GRIK1: variants seen among roughly 807,000 people sequenced by gnomAD.
GRIK1 encodes glutamate ionotropic receptor kainate type subunit 1.
GRIK1 carries 69 observed loss-of-function variants against 105.7 expected under a neutral mutation model. The ratio of observed to expected loss-of-function variants is 0.65; its 90% CI spans 0.54 to 0.80. The LOEUF is 0.80. Among genes scored for constraint, GRIK1 ranks in the 30% least tolerant of loss-of-function variants. The pLI, the probability that GRIK1 is intolerant of heterozygous loss-of-function variation, is 0.00. For synonymous variants in GRIK1, 438 were observed against 431.3 expected (o/e 1.02, Z -0.19); for missense variants, 1,109 against 1,167.3 (o/e 0.95, Z 0.73).
intron 7 of GRIK1, among the ~76,000 whole-genome samples, chr21:29,639,965 C>T (rs1034550272): frequency 6.6e-6 from 1 of 152,128 alleles, no homozygotes; most frequent in African/African-American, 2.4e-5. Flanking sequence ...AAACATGTGT[C>T]TGAAAAGCTT....
chr21:29,542,056 ACCTTT>A (rs2089981392), intron 16 of GRIK1, among the ~76,000 whole-genome samples: 1 of 148,912 alleles, frequency 6.7e-6, no homozygotes, highest in African/African-American at 2.5e-5. Context: ...TGTGTGTGTG[ACCTTT>A]CCTTTAGAGG....
intron 1 of GRIK1, among the ~76,000 whole-genome samples, chr21:29,900,083 CAAA>C (rs10547423): frequency 9.8e-5 from 12 of 122,342 alleles, no homozygotes; most frequent in Non-Finnish European, 1.4e-4. Flanking sequence ...GACTCTGTCT[CAAA>C]AAAAAAAAAA....
intron 1 of GRIK1, among the ~76,000 whole-genome samples, chr21:29,866,699 G>A (rs1037532631): frequency 2.0e-5 from 3 of 152,088 alleles, no homozygotes; most frequent in African/African-American, 7.2e-5. Flanking sequence ...CAAAGATTAC[G>A]GCATGTCATT....
intron 16 of GRIK1, among the ~76,000 whole-genome samples, chr21:29,551,375 G>C (rs2090132128): frequency 6.6e-6 from 1 of 152,166 alleles, no homozygotes; most frequent in Non-Finnish European, 1.5e-5. Context: ...AGACTGAGAA[G>C]TTTGGTAACT....
intron 1 of GRIK1, among the ~76,000 whole-genome samples, chr21:29,923,774 C>T (rs915524990): frequency 6.6e-6 from 1 of 152,114 alleles, no homozygotes; most frequent in South Asian, 2.1e-4. Context: ...TTCCCTTCAG[C>T]CTTATGTAAT....
rs547405316 is a variant in GRIK1, at chr21:29,876,856, A to G, written c.118+62527T>C. 2.8e-3 allele frequency among the ~76,000 whole-genome samples: 428 copies of G among 152,302 alleles called. 3 individuals carry two copies. The highest frequency in any genetic ancestry group is 9.4e-3 in the African/African-American group (389 of 41,562). On this transcript the variant is annotated intron_variant, in intron 1 of 17. Transcript: ENST00000327783. ...GGGAAATAATTAGGGTTCATCAGCT[A>G]TGCTTCCTAGAAGAATCACTGAACC... is the stretch of plus-strand genomic sequence containing the variant.
At chr21:29,770,311 G>C (rs1313702627) in intron 1 of GRIK1, among the ~76,000 whole-genome samples, 2 of 152,186 alleles carry the variant, frequency 1.3e-5, no homozygotes, top group South Asian at 2.1e-4. Context: ...GCCCCAATCT[G>C]CTTCTCCAGT....
intron 4 of GRIK1, among the ~76,000 whole-genome samples, chr21:29,664,913 T>A (rs1270029176): frequency 6.6e-6 from 1 of 152,208 alleles, no homozygotes; most frequent in East Asian, 1.9e-4. Context: ...CAATTTTGAA[T>A]AAAGCTGAAG....
intron 7 of GRIK1, among the ~76,000 whole-genome samples, chr21:29,620,956 A>G (rs1303866089): frequency 6.9e-6 from 1 of 145,496 alleles, no homozygotes; most frequent in Non-Finnish European, 1.5e-5. Flanking sequence ...TTATTTATAT[A>G]ATTCTACATA....
rs75847810 is a variant in GRIK1 at position 29,865,021 on chromosome 21, C to T, written c.118+74362G>A. Among the ~76,000 whole-genome samples, 443 of 152,298 alleles carry T rather than the reference C, an allele frequency of 2.9e-3. 4 individuals are homozygous for T. Among genetic ancestry groups the T allele is most frequent in the African/African-American group, 0.01 (434 of 41,562 alleles). On this transcript the variant is annotated intron_variant, in intron 1 of 17. Transcript: ENST00000327783. ...AAGCATTATCCAGCTCTGAATATCA[C>T]TGATGCCACTCTTGATAAACCCTAA...
chr21:29,650,225 A>T (rs1004928837), intron 6 of GRIK1, among the ~76,000 whole-genome samples: 5 of 152,180 alleles, frequency 3.3e-5, no homozygotes, highest in African/African-American at 1.2e-4. Context: ...TCCTCATAAG[A>T]AAAAGGGGAA....
At chr21:29,803,296 G>A (rs2066764486) in intron 1 of GRIK1, among the ~76,000 whole-genome samples, 1 of 152,126 alleles carries the variant, frequency 6.6e-6, no homozygotes, top group South Asian at 2.1e-4. Flanking sequence ...CATAGTTATG[G>A]TTGCTGCAGG....
intron 16 of GRIK1, among the ~76,000 whole-genome samples, chr21:29,546,065 T>C (rs2090045834): frequency 2.0e-5 from 3 of 152,206 alleles, no homozygotes; most frequent in African/African-American, 7.2e-5. Flanking sequence ...CTCTGTCCTT[T>C]TGTCTTCCAT....
chr21:29,789,877 G>C (rs960344690), intron 1 of GRIK1, among the ~76,000 whole-genome samples: 2 of 152,048 alleles, frequency 1.3e-5, no homozygotes, highest in African/African-American at 2.4e-5. Context: ...ACTTTAAAAG[G>C]GTATTTGTAA....
rs372057883 is a variant in GRIK1, at chr21:29,664,144, T to C, written c.726+8839A>G. On this transcript the variant is annotated intron_variant, in intron 4 of 17. Transcript: ENST00000327783. ...TTGGTTGGGGGAAGAACAAAGAGGATGCAAAGTGTTAATTCTAGCATGGAA... is the reference window on the plus strand; with the variant it reads ...TTGGTTGGGGGAAGAACAAAGAGGACGCAAAGTGTTAATTCTAGCATGGAA... 2.3e-4 allele frequency among the ~76,000 whole-genome samples: 35 copies of C among 152,258 alleles called. No individual in the cohort carries two copies. In the South Asian group the frequency reaches 7.1e-3, roughly 31 times the overall value.
intron 11 of GRIK1, among the ~76,000 whole-genome samples, chr21:29,588,479 C>T (rs1036543832): frequency 6.6e-6 from 1 of 152,232 alleles, no homozygotes; most frequent in East Asian, 1.9e-4. Context: ...CCTGCTTTCA[C>T]GCATTCTCTC....
intron 14 of GRIK1, among the ~76,000 whole-genome samples, chr21:29,571,664 A>T (rs2090753490): frequency 6.6e-6 from 1 of 152,192 alleles, no homozygotes. Context: ...GAGGCATTCG[A>T]GTATTTTGTT....
chr21:29,846,109 G>T (rs992416426), intron 1 of GRIK1, among the ~76,000 whole-genome samples: 3 of 152,088 alleles, frequency 2.0e-5, no homozygotes, highest in Non-Finnish European at 4.4e-5. Context: ...AATGCTTCTT[G>T]ACCGGGTGCA....
chr21:29,907,373 C>T (rs116217475), intron 1 of GRIK1, among the ~76,000 whole-genome samples: 2,873 of 152,084 alleles, frequency 0.019, 105 homozygotes, highest in African/African-American at 0.066. Flanking sequence ...AATCAATGTT[C>T]TAGATCATAC....
Sources: gnomAD v4.1 joint callset for allele counts (sites outside exome capture counted in the v4.1 genomes callset) on GRCh38, gnomAD v4.1.1 for gene constraint, MANE v1.5 for transcripts, NCBI Gene and HGNC (gene_info 2026-07-23, HGNC 2026-07-21) for gene names.